The following KRT4 variants were observed in gnomAD, a reference collection of about 807,000 sequenced individuals.
KRT4 encodes keratin 4.
KRT4 carries 47 observed loss-of-function variants against 50.6 expected under a neutral mutation model. The ratio of observed to expected loss-of-function variants is 0.93; its 90% confidence interval spans 0.73 to 1.18. KRT4 has a LOEUF of 1.18. KRT4 is among the 50% of genes most tolerant of loss of function. The pLI is 0.00. For missense variants in KRT4, 651 were observed against 645.7 expected (o/e 1.01, Z -0.09); for synonymous variants, 254 against 251.2 (o/e 1.01, Z -0.10).
chr12:52,811,717 C>T, intron 2 of KRT4, 46 bp downstream of exon 2: 1 of 1,514,506 alleles, frequency 6.6e-7, no homozygotes, highest in African/African-American at 1.4e-5. Context: ...CTGGGTGTGG[C>T]TGGGCACATG....
intron 2 of KRT4, 119 bp from the exon 3 acceptor site, chr12:52,810,935 T>G (rs1939900350): frequency 1.3e-6 from 1 of 784,580 alleles, no homozygotes; most frequent in Admixed American, 2.0e-5. Flanking sequence ...CGTAATTAGT[T>G]GCATTTCCCA....
At position 52,808,731 on chromosome 12, in the gene KRT4, A is replaced by G. The variant is rs770727989; in HGVS notation, c.954T>C (p.Ile318=). The G allele has an allele frequency of 1.2e-4, 195 of 1,614,078 alleles. No homozygotes were observed. Among genetic ancestry groups the G allele is most frequent in the Non-Finnish European group, 1.5e-4 (180 of 1,180,052 alleles). ...CAGCCTCAGCCTTGCTCCTCTGGGC[A>G]ATCTCCTCGTACTGGGCACGGACCT... ...IAEVRAQYEE[I]AQRSKAEAEA... is the part of the protein sequence containing the mutation. The change falls in exon 5 of 9, where the codon ATT becomes ATC. Residue 318 remains isoleucine, a synonymous_variant. Transcript: ENST00000551956.
chr12:52,811,885 C>T lies in KRT4; in HGVS notation c.555G>A (p.Glu185=). ...CACTGAGGTAGGTCTCAAAGAGGGG[C>T]TCAAGGTTTTTGCTGGAGGTGGTGG... The part of the protein sequence containing the change: ...QTTTTSSKNL[E]PLFETYLSVL... The change falls in exon 2 of 9, where the codon GAG becomes GAA. Residue 185 remains glutamate (E), a synonymous_variant. Coordinates refer to ENST00000551956, the MANE Select transcript of KRT4 (RefSeq NM_002272.4). The T allele has an allele frequency of 3.1e-6, 5 of 1,614,098 alleles. No individual in the cohort carries two copies. Among genetic ancestry groups the T allele is most frequent in the Non-Finnish European group, 4.2e-6 (5 of 1,180,046 alleles).
Position 52,806,931 on chromosome 12 carries a change from A to G in KRT4, c.*138T>C, listed in dbSNP as rs1465730566. 2.4e-6 allele frequency: 2 copies of G among 846,870 alleles called. No individual in the cohort carries two copies. The highest frequency in any genetic ancestry group is 3.9e-6 in the Non-Finnish European group (2 of 512,422). 52.5% of individuals were successfully genotyped at this position (846,870 alleles called of 1,614,324 possible). A position where few individuals can be genotyped will look rare whatever the true frequency, so the allele number is the denominator to read the frequency against. On this transcript the variant is annotated 3_prime_UTR_variant, in exon 9 of 9. Transcript: ENST00000551956. ...AGCACAGAAGATCATCCTGGGGCAG[A>G]GAGAGCCCATGGGATAGTGGAGGGG...
At position 52,808,478 on chromosome 12, in the gene KRT4, C is replaced by T. The variant is rs73306181; in HGVS notation, c.1000-59G>A. On this transcript the variant is annotated intron_variant, in intron 5 of 8. Coordinates refer to ENST00000551956, the MANE Select transcript of KRT4 (RefSeq NM_002272.4). Reference sequence around the variant, plus strand: ...TAGGGGCATTTGGGTAGGGTCCATTCTCAAGTGAACTCAGTGAGAATTGCC... The same window carrying T: ...TAGGGGCATTTGGGTAGGGTCCATTTTCAAGTGAACTCAGTGAGAATTGCC... The T allele has an allele frequency of 2.0e-3, 3,264 of 1,608,398 alleles. 67 individuals carry two copies. In the African/African-American group the frequency reaches 0.039, roughly 19 times the overall value.
intron 8 of KRT4, 41 bp downstream of exon 8, chr12:52,807,318 C>T (rs768247164): frequency 2.7e-5 from 44 of 1,614,090 alleles, no homozygotes; most frequent in East Asian, 6.7e-5. Flanking sequence ...TGGCAAGACC[C>T]GGGTGAATGA....
intron 7 of KRT4, 100 bp downstream of exon 7, chr12:52,807,544 C>T: frequency 6.6e-7 from 1 of 1,504,360 alleles, no homozygotes; most frequent in Non-Finnish European, 9.2e-7. Flanking sequence ...TCGTAATGCA[C>T]CGGCACAACA....
intron 2 of KRT4, 61 bp from the exon 3 acceptor site, chr12:52,810,877 C>A (rs1173481837): frequency 2.2e-6 from 3 of 1,361,678 alleles, no homozygotes; most frequent in Admixed American, 1.7e-5. Flanking sequence ...TTTCTCAGAT[C>A]TCTGCTGCTT....
rs1288446929 is a variant in KRT4 at position 52,808,856 on chromosome 12, G to A, written c.835-6C>T. 2 of 1,613,956 alleles carry A rather than the reference G, an allele frequency of 1.2e-6. No individual in the cohort carries two copies. The highest frequency in any genetic ancestry group is 1.7e-6 in the Non-Finnish European group (2 of 1,179,940). On this transcript the variant is annotated splice_region_variant and splice_polypyrimidine_tract_variant and intron_variant, in intron 4 of 8. Coordinates refer to ENST00000551956, the MANE Select transcript of KRT4 (RefSeq NM_002272.4). ...GTCTGCATCTGGGACAGCTCCTGCAGGGCAAATGTCTCACATCAGCCCCCC... is the reference window on the plus strand; with the variant it reads ...GTCTGCATCTGGGACAGCTCCTGCAAGGCAAATGTCTCACATCAGCCCCCC...
rs1175167184 is a variant in KRT4, at chr12:52,811,909, G to T, written c.531C>A (p.Thr177=). Residue 177 remains threonine (T), a synonymous_variant, in exon 2 of 9, where the codon ACC becomes ACA. Transcript: ENST00000551956. ...GCTCAAGGTTTTTGCTGGAGGTGGT[G>T]GTCGTCTGCTGCTGGAGCAGGTTCC... The part of the protein sequence containing the change: ...TKWNLLQQQT[T]TTSSKNLEPL... 1 of 1,613,886 alleles carries T rather than the reference G, an allele frequency of 6.2e-7. No individual in the cohort carries two copies. Among genetic ancestry groups the T allele is most frequent in the African/African-American group, 1.3e-5 (1 of 74,914 alleles).
intron 6 of KRT4, 32 bp downstream of exon 6, chr12:52,808,262 T>A (rs1301383757): frequency 2.5e-6 from 4 of 1,613,638 alleles, no homozygotes; most frequent in Non-Finnish European, 3.4e-6. Context: ...GCCCCTGGCC[T>A]TGTGCTCCAT....
rs370759790 is a variant in KRT4, at chr12:52,811,913, G to A, written c.527C>T (p.Thr176Met). The A allele has an allele frequency of 3.5e-5, 57 of 1,614,020 alleles. No homozygotes were observed. Among genetic ancestry groups the A allele is most frequent in the Middle Eastern group, 3.4e-4 (2 of 5,960 alleles). Residue 176 changes from threonine to methionine, a missense_variant, in exon 2 of 9, where the codon ACG becomes ATG. Thr to Met is a moderately conservative substitution (Grantham distance 81). Coordinates refer to ENST00000551956, the MANE Select transcript of KRT4 (RefSeq NM_002272.4). ...ETKWNLLQQQ[T>M]TTTSSKNLEP... ...AAGGTTTTTGCTGGAGGTGGTGGTC[G>A]TCTGCTGCTGGAGCAGGTTCCATTT...
intron 3 of KRT4, 46 bp downstream of exon 3, chr12:52,810,710 G>A: frequency 6.5e-7 from 1 of 1,539,906 alleles, no homozygotes; most frequent in East Asian, 2.2e-5. Flanking sequence ...ACTCCCCAAG[G>A]GAAGGGGCAC....
chr12:52,808,405 C>G lies in KRT4; in HGVS notation c.1014G>C (p.Gln338His), dbSNP rs200119901. The change falls in exon 6 of 9, where the codon CAG becomes CAC. Residue 338 changes from glutamine to histidine, a missense_variant. Gln to His is a conservative substitution (Grantham distance 24, BLOSUM62 0). Coordinates refer to ENST00000551956, the MANE Select transcript of KRT4 (RefSeq NM_002272.4). ...TGTCACCATGTTGGTCAACCGAGAT[C>G]TGGAGCTGCTGGACCTAAGACTCAA... The part of the protein sequence containing the change: ...ALYQTKVQQL[Q>H]ISVDQHGDNL... 1 of 1,613,948 alleles carries G rather than the reference C, an allele frequency of 6.2e-7. No homozygotes were observed. Among genetic ancestry groups the G allele is most frequent in the East Asian group, 2.2e-5 (1 of 44,884 alleles).
intron 2 of KRT4, 81 bp from the exon 3 acceptor site, chr12:52,810,897 C>T (rs1013399696): frequency 6.9e-6 from 8 of 1,153,528 alleles, no homozygotes; most frequent in Non-Finnish European, 1.0e-5. Flanking sequence ...TGTTTTCAAG[C>T]ATTTCCAAAC....
chr12:52,813,924 C>T lies in KRT4; in HGVS notation c.135G>A (p.Gly45=), dbSNP rs778095614. Residue 45 remains glycine (G), a synonymous_variant, in exon 1 of 9, where the codon GGG becomes GGA. Coordinates refer to ENST00000551956, the MANE Select transcript of KRT4 (RefSeq NM_002272.4). ...TGTAGAGGCTTCTGCTGCCAAATCCCCCAGAAGAGCATCGGCCAGCACCTC... is the reference window on the plus strand; with the variant it reads ...TGTAGAGGCTTCTGCTGCCAAATCCTCCAGAAGAGCATCGGCCAGCACCTC... ...MSGGAGRCSS[G]GFGSRSLYNL... is the part of the protein sequence containing the mutation. 5 of 1,429,234 alleles carry T rather than the reference C, an allele frequency of 3.5e-6. No homozygotes were observed. The East Asian group carries it at 1.7e-4, about 49-fold the overall frequency. 88.5% of individuals were successfully genotyped at this position (1,429,234 alleles called of 1,614,324 possible). A position where few individuals can be genotyped will look rare whatever the true frequency, so the allele number is the denominator to read the frequency against.
In KRT4 at chr12:52,807,646, G is replaced by C; in HGVS notation, c.1344C>G (p.Tyr448Ter). The C allele has an allele frequency of 1.2e-6, 2 of 1,613,662 alleles. No individual in the cohort carries two copies. Among genetic ancestry groups the C allele is most frequent in the Non-Finnish European group, 1.7e-6 (2 of 1,180,006 alleles). ...TYRKLLEGEE[Y>*]RMSGECQSAV... Reference sequence around the variant, plus strand: ...TCACACCCTGCCTAACCCCTCACCTGTACTCCTCGCCCTCCAGCAGTTTGC... The same window carrying C: ...TCACACCCTGCCTAACCCCTCACCTCTACTCCTCGCCCTCCAGCAGTTTGC... The change falls in exon 7 of 9, where the codon TAC (tyrosine) becomes TAG (stop). Residue 448 changes from tyrosine (Y) to a stop codon, truncating the protein, a stop_gained and splice_region_variant. Transcript: ENST00000551956. LOFTEE classifies it low-confidence loss of function (END_TRUNC).
At chr12:52,809,869 T>C (rs965781279) in intron 3 of KRT4, among the ~76,000 whole-genome samples, 1 of 152,168 alleles carries the variant, frequency 6.6e-6, no homozygotes, top group African/African-American at 2.4e-5. Context: ...CATCAACAGA[T>C]GATTGGATAA....
intron 4 of KRT4, 65 bp from the exon 5 acceptor site, chr12:52,808,915 A>G: frequency 6.5e-7 from 1 of 1,545,316 alleles, no homozygotes; most frequent in Non-Finnish European, 8.9e-7. Context: ...TACAGGCTCA[A>G]GTAGGAGCAG....
Sources: allele counts gnomAD v4.1 joint callset (sites outside exome capture counted in the v4.1 genomes callset), GRCh38; gene constraint gnomAD v4.1.1; transcripts MANE v1.5; gene names NCBI Gene and HGNC (gene_info 2026-07-23, HGNC 2026-07-21).